The following GFI1B variants were observed in gnomAD, a reference collection of about 807,000 sequenced individuals.
GFI1B encodes zinc finger protein Gfi-1b.
GFI1B carries 20 observed loss-of-function variants against 35.3 expected under a neutral mutation model. That is an observed-to-expected ratio of 0.57 (90% CI 0.40 to 0.82). The LOEUF is 0.82. Among genes scored for constraint, GFI1B ranks in the 40% least tolerant of loss-of-function variants. GFI1B has a pLI of 0.00. For missense variants in GFI1B, 430 were observed against 446.3 expected, an observed-to-expected ratio of 0.96 and a Z score of 0.33; for synonymous variants, 178 against 177.6, an observed-to-expected ratio of 1.00 and a Z score of -0.02.
intron 1 of GFI1B, among the ~76,000 whole-genome samples, chr9:132,955,584 G>A (rs1423742030): frequency 6.6e-6 from 1 of 152,182 alleles, no homozygotes; most frequent in Non-Finnish European, 1.5e-5. Flanking sequence ...TAGCTACTGT[G>A]CCCAGCCTCT....
intron 1 of GFI1B, chr9:132,953,102 G>A (rs888902806): frequency 2.0e-5 from 3 of 152,182 alleles, no homozygotes; most frequent in African/African-American, 7.2e-5. Context: ...TTGGGCTTAA[G>A]TTTACCTTCT....
At chr9:132,946,894 G>A (rs1848117078) in intron 1 of GFI1B, 1 of 152,504 alleles carries the variant, frequency 6.6e-6, no homozygotes, top group African/African-American at 2.4e-5. Flanking sequence ...CTGTCTGGAA[G>A]AAGAATGGGC....
chr9:132,981,722 C>T (rs551001184), intron 1 of GFI1B, among the ~76,000 whole-genome samples: 7 of 152,118 alleles, frequency 4.6e-5, no homozygotes, highest in African/African-American at 1.2e-4. Flanking sequence ...CATTTTCCCC[C>T]GACTCCTCCA....
chr9:132,959,584 G>T (rs938720490), intron 1 of GFI1B, among the ~76,000 whole-genome samples: 1 of 152,172 alleles, frequency 6.6e-6, no homozygotes, highest in Non-Finnish European at 1.5e-5. Flanking sequence ...TCATTTCCCA[G>T]GGCTGCCATA....
chr9:132,952,639 T>C (rs1848217766), intron 1 of GFI1B: 1 of 152,214 alleles, frequency 6.6e-6, no homozygotes, highest in South Asian at 2.1e-4. Context: ...CTCTCCTCAT[T>C]TGTCTTTCCC....
chr9:132,992,376 C>T (rs142981110), downstream of GFI1B, among the ~76,000 whole-genome samples: 21 of 152,176 alleles, frequency 1.4e-4, no homozygotes, highest in East Asian at 3.7e-3. Context: ...ATGAGTGTGA[C>T]GCTATAGGGT....
chr9:132,955,791 TGTG>T (rs1056597684), intron 1 of GFI1B, among the ~76,000 whole-genome samples: 1 of 139,608 alleles, frequency 7.2e-6, no homozygotes, highest in East Asian at 2.1e-4. Context: ...ACCAACGTGA[TGTG>T]TGTGTGTGTG....
intron 1 of GFI1B, among the ~76,000 whole-genome samples, chr9:132,982,145 G>A (rs1848848219): frequency 6.6e-6 from 1 of 152,218 alleles, no homozygotes; most frequent in Non-Finnish European, 1.5e-5. Context: ...TCCCAAAAGG[G>A]GAACCCGAGT....
chr9:132,990,777 T>C (rs763071206), intron 6 of GFI1B, 95 bp from the exon 7 acceptor site: 4 of 1,056,344 alleles, frequency 3.8e-6, no homozygotes, highest in Non-Finnish European at 5.8e-6. Context: ...CAGGAAGGTA[T>C]TGGAAAATGA....
At chr9:132,960,707 T>C (rs1364343492) in intron 1 of GFI1B, among the ~76,000 whole-genome samples, 1 of 151,870 alleles carries the variant, frequency 6.6e-6, no homozygotes, top group African/African-American at 2.4e-5. Flanking sequence ...TAACTATGTT[T>C]CCCAGGCTGG....
chr9:132,972,849 G>C (rs927254180), intron 2 of GFI1B: 2 of 152,202 alleles, frequency 1.3e-5, no homozygotes, highest in African/African-American at 4.8e-5. Context: ...TGCCAGCCCC[G>C]ACGACAGGCA....
At chr9:132,984,501 G>A (rs1848957299) in intron 1 of GFI1B, among the ~76,000 whole-genome samples, 1 of 152,138 alleles carries the variant, frequency 6.6e-6, no homozygotes, top group African/African-American at 2.4e-5. Context: ...AGAGTACAGG[G>A]CCTTGAGCGC....
intron 1 of GFI1B, among the ~76,000 whole-genome samples, chr9:132,981,803 A>G (rs913995092): frequency 1.1e-4 from 17 of 151,482 alleles, no homozygotes; most frequent in African/African-American, 3.9e-4. Flanking sequence ...CCCAGGCTGG[A>G]GTGCAGTGGC....
chr9:132,970,458 CAGAG>C (rs1341182514), intron 1 of GFI1B, among the ~76,000 whole-genome samples: 1 of 152,144 alleles, frequency 6.6e-6, no homozygotes, highest in Non-Finnish European at 1.5e-5. Flanking sequence ...CGCACGCACA[CAGAG>C]AGAGAGCTTG....
At position 132,989,693 on chromosome 9, in the gene GFI1B, C is replaced by A; in HGVS notation, c.649-49C>A. The A allele has an allele frequency of 6.5e-7, 1 of 1,537,690 alleles. No homozygotes were observed. Among genetic ancestry groups the A allele is most frequent in the Non-Finnish European group, 9.0e-7 (1 of 1,113,990 alleles). ...TTCCGCAGGGGATCCCGGCCGGGTCCAGTCCTGAGCCTGCACCTGACCCCC... is the reference window on the plus strand; with the variant it reads ...TTCCGCAGGGGATCCCGGCCGGGTCAAGTCCTGAGCCTGCACCTGACCCCC... On this transcript the variant is annotated intron_variant, in intron 5 of 6. Transcript: ENST00000372122. The surrounding 1 kb of genome is among the most constrained non-coding windows in gnomAD (Gnocchi z 6.2).
chr9:132,949,751 A>G (rs1201521351), intron 1 of GFI1B: 1 of 152,716 alleles, frequency 6.5e-6, no homozygotes, highest in Non-Finnish European at 1.5e-5. Context: ...AGCTGTGGCC[A>G]CAGAGAGGAA....
intron 1 of GFI1B, among the ~76,000 whole-genome samples, chr9:132,956,948 T>C (rs1316904173): frequency 2.6e-5 from 4 of 152,206 alleles, no homozygotes; most frequent in Admixed American, 1.3e-4. Flanking sequence ...GGCTTTTCCA[T>C]AGGGCAGCTC....
chr9:132,969,321 G>A (rs1349915831), intron 1 of GFI1B, among the ~76,000 whole-genome samples: 1 of 152,188 alleles, frequency 6.6e-6, no homozygotes, highest in Non-Finnish European at 1.5e-5. Context: ...GTGAGCCACT[G>A]TGCCCGGCCT....
chr9:132,948,623 C>G (rs938987833), intron 1 of GFI1B, among the ~76,000 whole-genome samples: 1 of 152,230 alleles, frequency 6.6e-6, no homozygotes, highest in Admixed American at 6.5e-5. Flanking sequence ...AGGTGCCCTG[C>G]CGTTGGTGGG....
Sources: allele counts gnomAD v4.1 joint callset (sites outside exome capture counted in the v4.1 genomes callset), GRCh38; gene constraint gnomAD v4.1.1; non-coding constraint Gnocchi (gnomAD v3.1); transcripts MANE v1.5; gene names NCBI Gene and HGNC (gene_info 2026-07-23, HGNC 2026-07-21).